MOB1A: variants seen among roughly 807,000 people sequenced by gnomAD.
MOB1A encodes MOB1 Mps One Binder homolog A.
A neutral mutation model predicts 25.1 loss-of-function variants in MOB1A; 10 were observed. The observed-to-expected ratio is 0.40, with a 90% CI of 0.25 to 0.68. The LOEUF is 0.68. Ranked by LOEUF, MOB1A falls within the 30% of genes least tolerant of loss-of-function variation. The pLI, the probability that MOB1A is intolerant of heterozygous loss-of-function variation, is 0.40. For synonymous variants in MOB1A, 81 were observed against 79.5 expected (o/e 1.02, Z -0.10); for missense variants, 177 against 256.3 (o/e 0.69, Z 2.11).
In MOB1A at chr2:74,156,706, C is replaced by T. The variant is rs991376644; in HGVS notation, c.574-61G>A. The T allele has an allele frequency of 1.1e-5, 14 of 1,244,568 alleles. No homozygotes were observed. In the Admixed American group the frequency reaches 2.4e-4, roughly 22 times the overall value. The allele number at this position is 1,244,568 out of a possible 1,614,324, so 77.1% of individuals were successfully genotyped here. Reference sequence around the variant, plus strand: ...TCTAAAACTGAAACTCTGTAAATGTCTTTTGGAGAAGGGATTCCCAACTCT... The same window carrying T: ...TCTAAAACTGAAACTCTGTAAATGTTTTTTGGAGAAGGGATTCCCAACTCT... On this transcript the variant is annotated intron_variant, in intron 5 of 5. Transcript: ENST00000396049.
chr2:74,164,703 G>C (rs1693076842), intron 4 of MOB1A: 1 of 151,970 alleles, frequency 6.6e-6, no homozygotes, highest in African/African-American at 2.4e-5. Context: ...CGGGGAAAAA[G>C]ATATACAACA....
At position 74,159,224 on chromosome 2, in the gene MOB1A, A is replaced by G; in HGVS notation, c.440T>C (p.Val147Ala). The G allele has an allele frequency of 6.2e-7, 1 of 1,613,632 alleles. No homozygotes were observed. The highest frequency in any genetic ancestry group is 8.5e-7 in the Non-Finnish European group (1 of 1,179,822). ...GVPFPKNFMS[V>A]AKTILKRLFR... ...CAGACGCTTTAGAATAGTCTTTGCC[A>G]CAGACATAAAGTTTTTGGGAAATGG... Residue 147 changes from valine (V) to alanine (A), a missense_variant, in exon 5 of 6, where the codon GTG (valine) becomes GCG (alanine). Physicochemically the swap from Val to Ala is moderately conservative, Grantham distance 64. Transcript: ENST00000396049.
Position 74,156,395 on chromosome 2 carries a change from C to A in MOB1A, c.*173G>T. On this transcript the variant is annotated 3_prime_UTR_variant, in exon 6 of 6. Transcript: ENST00000396049. ...TTGGCTGTGTCCTTAAGGTCTTACT[C>A]GGAAACTATCACACCAACCTACCTT... 1 of 626,226 alleles carries A rather than the reference C, an allele frequency of 1.6e-6. No individual in the cohort carries two copies. Among genetic ancestry groups the A allele is most frequent in the Non-Finnish European group, 2.8e-6 (1 of 354,190 alleles). 38.8% of individuals were successfully genotyped at this position (626,226 alleles called of 1,614,324 possible). A position where few individuals can be genotyped will look rare whatever the true frequency, so the allele number is the denominator to read the frequency against.
chr2:74,173,386 T>TTG (rs1441344313), intron 1 of MOB1A, among the ~76,000 whole-genome samples: 1 of 145,112 alleles, frequency 6.9e-6, no homozygotes, highest in East Asian at 2.0e-4. Flanking sequence ...GTTTTTTTTT[T>TTG]TTTTTTTTTT....
At position 74,155,460 on chromosome 2, in the gene MOB1A, G is replaced by C. The variant is rs1472489814; in HGVS notation, c.*1108C>G. ...ACACTCACTCACTCTCTCAAGAATA[G>C]GTAGCACACCAAAACTTTATCTGTG... On this transcript the variant is annotated 3_prime_UTR_variant, in exon 6 of 6. Transcript: ENST00000396049. The C allele has an allele frequency of 6.6e-6, 1 of 152,380 alleles. No individual in the cohort carries two copies. Among genetic ancestry groups the C allele is most frequent in the Non-Finnish European group, 1.5e-5 (1 of 67,950 alleles). 9.4% of individuals were successfully genotyped at this position (152,380 alleles called of 1,614,324 possible).
intron 1 of MOB1A, among the ~76,000 whole-genome samples, chr2:74,176,708 G>T (rs1386852706): frequency 6.6e-6 from 1 of 150,766 alleles, no homozygotes; most frequent in African/African-American, 2.5e-5. Context: ...AGCTTACAGT[G>T]AGCCGAGATT....
chr2:74,173,471 C>T (rs1029494161), intron 1 of MOB1A, among the ~76,000 whole-genome samples: 8 of 148,160 alleles, frequency 5.4e-5, no homozygotes, highest in Non-Finnish European at 1.2e-4. Context: ...ATCTCCACCT[C>T]CTGGGTTCAA....
At chr2:74,169,819 G>A (rs911745668) in intron 2 of MOB1A, among the ~76,000 whole-genome samples, 3 of 151,960 alleles carry the variant, frequency 2.0e-5, no homozygotes, top group African/African-American at 7.2e-5. Flanking sequence ...AGTAGAGCTG[G>A]TGTTTCACCA....
intron 4 of MOB1A, among the ~76,000 whole-genome samples, chr2:74,163,842 A>G (rs1693049736): frequency 6.6e-6 from 1 of 152,208 alleles, no homozygotes; most frequent in South Asian, 2.1e-4. Flanking sequence ...GTTCTTGGCT[A>G]GGAAGATTCA....
intron 1 of MOB1A, among the ~76,000 whole-genome samples, chr2:74,176,680 C>T (rs553593010): frequency 3.6e-4 from 54 of 150,876 alleles, no homozygotes; most frequent in African/African-American, 1.3e-3. Flanking sequence ...AGGAGAATGG[C>T]GTGAACCCGG....
chr2:74,171,299 TA>T (rs113289246), intron 2 of MOB1A, among the ~76,000 whole-genome samples: 20 of 140,332 alleles, frequency 1.4e-4, no homozygotes, highest in Non-Finnish European at 1.9e-4. Context: ...AAAAATAAAA[TA>T]AAAAAAAAAT....
intron 4 of MOB1A, among the ~76,000 whole-genome samples, chr2:74,160,920 G>A (rs561250614): frequency 5.3e-5 from 8 of 152,096 alleles, no homozygotes; most frequent in African/African-American, 7.2e-5. Flanking sequence ...TTAGCCAGAC[G>A]TGGTGACTAA....
In MOB1A at chr2:74,154,500, G is replaced by A. The variant is rs1324728458; in HGVS notation, c.*2068C>T. 1.3e-5 allele frequency: 2 copies of A among 152,016 alleles called. No homozygotes were observed. Among genetic ancestry groups the A allele is most frequent in the African/African-American group, 2.4e-5 (1 of 41,372 alleles). The allele number at this position is 152,016 out of a possible 1,614,324, so 9.4% of individuals were successfully genotyped here. On this transcript the variant is annotated 3_prime_UTR_variant, in exon 6 of 6. Coordinates refer to ENST00000396049, the MANE Select transcript of MOB1A (RefSeq NM_018221.5). The stretch of plus-strand genomic sequence containing the variant: ...GCTGCCTTTACTACTGTCCTGACAT[G>A]TGATCGTCTTTCATTTGCTTTGGAG...
chr2:74,178,576 G>C (rs1231958823), intron 1 of MOB1A, 85 bp downstream of exon 1: 1 of 1,037,602 alleles, frequency 9.6e-7, no homozygotes, highest in Non-Finnish European at 1.3e-6. Context: ...TCGGCCCCCA[G>C]GCCGAGCCCT....
At chr2:74,178,520 G>A in intron 1 of MOB1A, 141 bp downstream of exon 1, 1 of 499,076 alleles carries the variant, frequency 2.0e-6, no homozygotes, top group Non-Finnish European at 3.2e-6. Context: ...CCTCCCCCGC[G>A]GACCCGAACA....
At chr2:74,173,589 C>A (rs2103741743) in intron 1 of MOB1A, among the ~76,000 whole-genome samples, 1 of 151,114 alleles carries the variant, frequency 6.6e-6, no homozygotes, top group East Asian at 2.0e-4. Context: ...GCCATGTTTG[C>A]CAGGCTGGTG....
chr2:74,162,720 T>C (rs1401903239), intron 4 of MOB1A, among the ~76,000 whole-genome samples: 4 of 151,976 alleles, frequency 2.6e-5, no homozygotes, highest in Non-Finnish European at 4.4e-5. Flanking sequence ...TGTTAACAAC[T>C]TGGAAAAAAA....
chr2:74,157,879 A>G (rs571888011), intron 5 of MOB1A, among the ~76,000 whole-genome samples: 25 of 152,172 alleles, frequency 1.6e-4, no homozygotes, highest in Non-Finnish European at 3.5e-4. Flanking sequence ...ATTTAAATTT[A>G]CATTAAAATT....
intron 4 of MOB1A, among the ~76,000 whole-genome samples, chr2:74,160,131 G>A (rs1236755607): frequency 6.6e-6 from 1 of 152,110 alleles, no homozygotes; most frequent in African/African-American, 2.4e-5. Flanking sequence ...GAAATTAAAT[G>A]CAACAAGAGT....
Sources: allele counts gnomAD v4.1 joint callset (sites outside exome capture counted in the v4.1 genomes callset), GRCh38; gene constraint gnomAD v4.1.1; transcripts MANE v1.5; gene names NCBI Gene and HGNC (gene_info 2026-07-23, HGNC 2026-07-21).